Variants in RTN4 observed in about 807,000 individuals in gnomAD.
The protein encoded by RTN4 is reticulon 4.
A neutral mutation model predicts 90.4 loss-of-function variants in RTN4; 32 were observed. The ratio of observed to expected loss-of-function variants is 0.35; its 90% confidence interval spans 0.27 to 0.48. The LOEUF (loss-of-function observed/expected upper bound fraction) is 0.48. Among genes scored for constraint, RTN4 ranks in the 20% least tolerant of loss-of-function variants. The pLI is 0.99. For synonymous variants in RTN4, 629 were observed against 552.5 expected (o/e 1.14, Z -1.94); for missense variants, 1,706 against 1,430.2 (o/e 1.19, Z -3.11).
the RTN4 span, among the ~76,000 whole-genome samples, chr2:55,120,200 C>A: frequency 6.6e-6 from 1 of 152,228 alleles, no homozygotes; most frequent in East Asian, 1.9e-4. Flanking sequence ...CCCTGTGTCA[C>A]CCCAGGCAGA....
chr2:55,126,621 T>C, the RTN4 span, among the ~76,000 whole-genome samples: 1 of 152,186 alleles, frequency 6.6e-6, no homozygotes, highest in African/African-American at 2.4e-5. Context: ...AGTGGGGCAA[T>C]TCCTCAAAGA....
chr2:54,972,968 T>A lies in RTN4; in HGVS notation c.*188A>T, dbSNP rs188462887. 191 of 500,418 alleles carry A rather than the reference T, an allele frequency of 3.8e-4. 1 individual carries two copies. The highest frequency in any genetic ancestry group is 3.4e-3 in the African/African-American group (177 of 52,562). The allele number at this position is 500,418 out of a possible 1,614,324, so 31.0% of individuals were successfully genotyped here. A position where few individuals can be genotyped will look rare whatever the true frequency, so the allele number is the denominator to read the frequency against. On this transcript the variant is annotated 3_prime_UTR_variant, in exon 9 of 9. Coordinates refer to ENST00000337526, the MANE Select transcript of RTN4 (RefSeq NM_020532.5). Reference sequence around the variant, plus strand: ...ACATAGCAGCTTACAATACTTAAGATGATGAACACATGGCAGTCAAGACAG... The same window carrying A: ...ACATAGCAGCTTACAATACTTAAGAAGATGAACACATGGCAGTCAAGACAG...
rs201229603 is a variant in RTN4 at position 55,025,116 on chromosome 2, T to C, written c.2983A>G (p.Ile995Val). Residue 995 changes from isoleucine (I) to valine (V), a missense_variant, in exon 3 of 9, where the codon ATA (isoleucine) becomes GTA (valine). Ile to Val is a conservative substitution (Grantham distance 29). Coordinates refer to ENST00000337526, the MANE Select transcript of RTN4 (RefSeq NM_020532.5). Reference sequence around the variant, plus strand: ...GTTTTACTCAGCTCTGCTGAAAATATAGCAGATGGTGATCTGTCCTCTTTT... The same window carrying C: ...GTTTTACTCAGCTCTGCTGAAAATACAGCAGATGGTGATCTGTCCTCTTTT... Reference protein sequence around the residue: ...TEKEDRSPSAIFSAELSKTSV... With the variant: ...TEKEDRSPSAVFSAELSKTSV... The C allele has an allele frequency of 4.3e-6, 7 of 1,611,288 alleles. No homozygotes were observed. Among genetic ancestry groups the C allele is most frequent in the Non-Finnish European group, 5.1e-6 (6 of 1,178,822 alleles).
At chr2:54,975,231 C>T (rs1431782599) in intron 5 of RTN4, among the ~76,000 whole-genome samples, 4 of 152,222 alleles carry the variant, frequency 2.6e-5, no homozygotes, top group Non-Finnish European at 4.4e-5. Context: ...AGGGAAATTA[C>T]GTTTCAGGTA....
At chr2:55,067,655 T>C (rs1299659364) in intron 2 of RTN4, among the ~76,000 whole-genome samples, 1 of 152,180 alleles carries the variant, frequency 6.6e-6, no homozygotes, top group African/African-American at 2.4e-5. Context: ...CCTCAAGTGA[T>C]TAGCCTGTCT....
At chr2:55,122,389 C>A in the RTN4 span, among the ~76,000 whole-genome samples, 1 of 152,214 alleles carries the variant, frequency 6.6e-6, no homozygotes, top group Non-Finnish European at 1.5e-5. Flanking sequence ...AAGGTTTGCA[C>A]ACATGGCCCT....
At chr2:55,125,081 G>A in the RTN4 span, among the ~76,000 whole-genome samples, 1 of 152,074 alleles carries the variant, frequency 6.6e-6, no homozygotes, top group African/African-American at 2.4e-5. Flanking sequence ...GCAGACTGCT[G>A]CACAAAACAA....
chr2:55,121,310 C>T, the RTN4 span, among the ~76,000 whole-genome samples: 1 of 152,170 alleles, frequency 6.6e-6, no homozygotes, highest in African/African-American at 2.4e-5. Flanking sequence ...ATAGAGGAAG[C>T]TCAGGGAGCT....
chr2:55,006,115 C>T (rs1270648822), intron 3 of RTN4, among the ~76,000 whole-genome samples: 1 of 152,054 alleles, frequency 6.6e-6, no homozygotes, highest in Non-Finnish European at 1.5e-5. Context: ...AAATATACCA[C>T]AAAACCCTCC....
At chr2:55,077,342 C>A (rs996372035) in intron 2 of RTN4, among the ~76,000 whole-genome samples, 1 of 152,074 alleles carries the variant, frequency 6.6e-6, no homozygotes, top group Non-Finnish European at 1.5e-5. Flanking sequence ...AGCATGAGAA[C>A]GGACTAATAT....
At chr2:54,989,151 G>A (rs1678811989) in intron 3 of RTN4, among the ~76,000 whole-genome samples, 1 of 152,114 alleles carries the variant, frequency 6.6e-6, no homozygotes, top group African/African-American at 2.4e-5. Context: ...GCACAATGTT[G>A]GATATTAGTA....
At chr2:55,095,051 C>T (rs538060952) in intron 1 of RTN4, among the ~76,000 whole-genome samples, 1 of 152,084 alleles carries the variant, frequency 6.6e-6, no homozygotes, top group Non-Finnish European at 1.5e-5. Context: ...AGGCTGGGCG[C>T]GGTGGCTCAC....
At position 55,027,476 on chromosome 2, in the gene RTN4, T is replaced by A. The variant is rs142927672; in HGVS notation, c.623A>T (p.Asp208Val). The change falls in exon 3 of 9, where the codon GAC becomes GTC. Residue 208 changes from aspartate (D) to valine (V), a missense_variant. Asp to Val is a radical substitution (Grantham distance 152). Transcript: ENST00000337526. ...AGTGTTACCTGGCTGCTCCTTCAAG[T>A]CCATATTTTCTGTGACCATGGACAG... ...PVIRSSAENMDLKEQPGNTIS... is the reference protein window; with the variant it reads ...PVIRSSAENMVLKEQPGNTIS... The A allele has an allele frequency of 6.9e-5, 111 of 1,601,342 alleles. No individual in the cohort carries two copies. Among genetic ancestry groups the A allele is most frequent in the Non-Finnish European group, 9.2e-5 (108 of 1,174,706 alleles).
chr2:55,014,448 C>A (rs1298997362), intron 3 of RTN4: 2 of 152,094 alleles, frequency 1.3e-5, no homozygotes, highest in South Asian at 2.1e-4. Context: ...AAATTCTATG[C>A]GTCATTCTTG....
chr2:55,099,317 G>T (rs1667809645), intron 1 of RTN4, among the ~76,000 whole-genome samples: 1 of 152,006 alleles, frequency 6.6e-6, no homozygotes, highest in Admixed American at 6.6e-5. Context: ...AAACATATTT[G>T]AGATGTTTCA....
intron 4 of RTN4, among the ~76,000 whole-genome samples, chr2:54,986,521 T>C (rs1678575555): frequency 1.3e-5 from 2 of 152,234 alleles, no homozygotes; most frequent in African/African-American, 4.8e-5. Flanking sequence ...TACAGGCCCC[T>C]GGTTAGACTG....
chr2:54,988,904 G>T (rs975753779), intron 3 of RTN4, among the ~76,000 whole-genome samples: 1 of 152,184 alleles, frequency 6.6e-6, no homozygotes, highest in Non-Finnish European at 1.5e-5. Flanking sequence ...CCCGAAGTGT[G>T]CCAAAGTGCT....
chr2:54,982,307 CTG>C (rs1265218204), intron 5 of RTN4, among the ~76,000 whole-genome samples: 2 of 151,870 alleles, frequency 1.3e-5, no homozygotes, highest in African/African-American at 4.8e-5. Context: ...ACAGGACTCT[CTG>C]TATTAAGTAT....
intron 2 of RTN4, among the ~76,000 whole-genome samples, chr2:55,073,422 G>A (rs1668548311): frequency 6.6e-6 from 1 of 152,204 alleles, no homozygotes; most frequent in Non-Finnish European, 1.5e-5. Context: ...AGAAGAAACG[G>A]TAGCAGTAAT....
Sources: gnomAD v4.1 joint callset for allele counts (sites outside exome capture counted in the v4.1 genomes callset) on GRCh38, gnomAD v4.1.1 for gene constraint, MANE v1.5 for transcripts, NCBI Gene and HGNC (gene_info 2026-07-23, HGNC 2026-07-21) for gene names.